The following YY1 variants were observed in gnomAD, a reference collection of about 807,000 sequenced individuals.
The protein encoded by YY1 is YY1 transcription factor.
Under a neutral mutation model 35.6 loss-of-function variants are expected in YY1, and 2 were observed. The observed-to-expected ratio is 0.06, with a 90% CI of 0.02 to 0.18. The LOEUF (loss-of-function observed/expected upper bound fraction) is 0.18. YY1 is among the 10% of genes least tolerant of loss of function. The pLI is 1.00. For synonymous variants in YY1, 268 were observed against 238.9 expected (o/e 1.12, Z -1.12); for missense variants, 322 against 573.4 (o/e 0.56, Z 4.48).
intron 1 of YY1, among the ~76,000 whole-genome samples, chr14:100,242,387 T>TTTTG (rs1890762032): frequency 7.9e-6 from 1 of 125,948 alleles, no homozygotes; most frequent in Non-Finnish European, 1.6e-5. Context: ...TGTTTTTTTT[T>TTTTG]TTTTTTTTTT....
intron 2 of YY1, chr14:100,265,209 C>T (rs571924931): frequency 2.6e-5 from 4 of 152,344 alleles, no homozygotes; most frequent in African/African-American, 2.4e-5. Flanking sequence ...GAAACCCCAT[C>T]TCTACTAAAA....
In YY1 at chr14:100,254,741, G is replaced by T. The variant is rs1890976052; in HGVS notation, c.680-7563G>T. On this transcript the variant is annotated intron_variant, in intron 1 of 4. Coordinates refer to ENST00000262238, the MANE Select transcript of YY1 (RefSeq NM_003403.5). ...CAAAATGCTAAGATTACAGGTGCGA[G>T]CCACCATGCCTAGCCTATTTTATTT... 2.0e-5 allele frequency among the ~76,000 whole-genome samples: 3 copies of T among 151,192 alleles called. No individual in the cohort carries two copies. In the Admixed American group the frequency reaches 2.0e-4, roughly 10 times the overall value.
intron 1 of YY1, among the ~76,000 whole-genome samples, chr14:100,253,092 A>T (rs549116482): frequency 6.6e-6 from 1 of 152,332 alleles, no homozygotes; most frequent in African/African-American, 2.4e-5. Context: ...GGGGTTAACT[A>T]TGTCCTGTGA....
chr14:100,259,856 A>G (rs1313696184), intron 1 of YY1, among the ~76,000 whole-genome samples: 1 of 152,212 alleles, frequency 6.6e-6, no homozygotes, highest in African/African-American at 2.4e-5. Flanking sequence ...ACCAGACAGC[A>G]TTGGACCCAG....
chr14:100,272,888 C>T (rs1183454319), intron 2 of YY1, among the ~76,000 whole-genome samples: 1 of 151,888 alleles, frequency 6.6e-6, no homozygotes, highest in Non-Finnish European at 1.5e-5. Flanking sequence ...TGAGGACATA[C>T]CGCGTTTGAT....
At chr14:100,241,055 G>T (rs960867731) in intron 1 of YY1, among the ~76,000 whole-genome samples, 1 of 152,150 alleles carries the variant, frequency 6.6e-6, no homozygotes, top group Admixed American at 6.5e-5. Flanking sequence ...TTATCTGCCT[G>T]TGTAAAATCT....
intron 1 of YY1, among the ~76,000 whole-genome samples, chr14:100,248,113 T>TTTTCTTTC (rs1890860878): frequency 1.2e-5 from 1 of 83,884 alleles, no homozygotes; most frequent in South Asian, 6.4e-4. Context: ...CCCGGCTAAT[T>TTTTCTTTC]TTTTTTTCTT....
chr14:100,255,713 T>G (rs1481024697), intron 1 of YY1, among the ~76,000 whole-genome samples: 1 of 152,226 alleles, frequency 6.6e-6, no homozygotes, highest in Non-Finnish European at 1.5e-5. Flanking sequence ...TAAAATTATG[T>G]ACAGACCATG....
At position 100,264,389 on chromosome 14, in the gene YY1, C is replaced by G. The variant is rs146812957; in HGVS notation, c.842+1923C>G. 6.6e-5 allele frequency among the ~76,000 whole-genome samples: 10 copies of G among 152,264 alleles called. No individual in the cohort carries two copies. In the East Asian group the frequency reaches 1.9e-3, roughly 29 times the overall value. On this transcript the variant is annotated intron_variant, in intron 2 of 4. Transcript: ENST00000262238. The stretch of plus-strand genomic sequence containing the variant: ...ACGGAGTTTCACCATGTTGGCCAGC[C>G]TGGTCTCGAACTCCTGACCTAAAGT...
intron 1 of YY1, among the ~76,000 whole-genome samples, chr14:100,259,745 ATGCACT>A (rs2139586453): frequency 6.6e-6 from 1 of 152,330 alleles, no homozygotes; most frequent in East Asian, 1.9e-4. Context: ...ACCTCCTGCC[ATGCACT>A]TGTGAATTTA....
Position 100,276,804 on chromosome 14 carries a change from A to G in YY1, c.1062+156A>G. ...AAACTTCTCCTGGGGAGTCGCTTAG[A>G]AGGGTTGCCGGGGCTCTGGACATCC... On this transcript the variant is annotated intron_variant, in intron 4 of 4. Coordinates refer to ENST00000262238, the MANE Select transcript of YY1 (RefSeq NM_003403.5). This position sits in a 1 kb window ranked among gnomAD's most constrained non-coding sequence, Gnocchi z 4.1. The G allele has an allele frequency of 1.8e-6, 2 of 1,111,438 alleles. No individual in the cohort carries two copies. The highest frequency in any genetic ancestry group is 2.6e-6 in the Non-Finnish European group (2 of 766,334). 68.8% of individuals were successfully genotyped at this position (1,111,438 alleles called of 1,614,324 possible).
At chr14:100,242,991 A>G (rs1460898925) in intron 1 of YY1, among the ~76,000 whole-genome samples, 1 of 152,146 alleles carries the variant, frequency 6.6e-6, no homozygotes, top group Non-Finnish European at 1.5e-5. Flanking sequence ...AGTTATAAAT[A>G]TTTGATGGCA....
At chr14:100,270,456 CA>C (rs34083329) in intron 2 of YY1, among the ~76,000 whole-genome samples, 56,915 of 98,030 alleles carry the variant, frequency 0.58, 14,568 homozygotes, top group South Asian at 0.73. Flanking sequence ...ACTAAAAATA[CA>C]AAAAAAAAAA....
At chr14:100,262,114 C>CACTG (rs1204716961) in intron 1 of YY1, among the ~76,000 whole-genome samples, 190 bp from the exon 2 acceptor site, 5 of 151,678 alleles carry the variant, frequency 3.3e-5, no homozygotes, top group African/African-American at 4.8e-5. Context: ...GTGATTGGGC[C>CACTG]ACTGCACCAC....
chr14:100,264,430 G>A (rs1891125583), intron 2 of YY1, among the ~76,000 whole-genome samples: 1 of 152,074 alleles, frequency 6.6e-6, no homozygotes, highest in Non-Finnish European at 1.5e-5. Flanking sequence ...ACCCACCTTG[G>A]CTTCCCAAAA....
chr14:100,272,139 C>T (rs1022279774), intron 2 of YY1, among the ~76,000 whole-genome samples: 1 of 151,438 alleles, frequency 6.6e-6, no homozygotes, highest in Non-Finnish European at 1.5e-5. Context: ...TACAAAAATA[C>T]AAAAAAATTA....
intron 1 of YY1, among the ~76,000 whole-genome samples, chr14:100,254,544 A>G (rs1004976573): frequency 6.6e-6 from 1 of 151,562 alleles, no homozygotes; most frequent in African/African-American, 2.4e-5. Context: ...TGCAAACTCT[A>G]CCTCCCAGGT....
intron 2 of YY1, among the ~76,000 whole-genome samples, chr14:100,263,212 T>C (rs1036013894): frequency 6.6e-6 from 1 of 152,230 alleles, no homozygotes; most frequent in African/African-American, 2.4e-5. Flanking sequence ...GCCCAGCCTG[T>C]AGTACACATT....
chr14:100,240,236 C>T (rs1045084113), intron 1 of YY1, among the ~76,000 whole-genome samples: 185 of 140,958 alleles, frequency 1.3e-3, no homozygotes, highest in Admixed American at 4.9e-3. Flanking sequence ...CTCCCCGACG[C>T]CCTCGCTCCC....
Sources: gnomAD v4.1 joint callset for allele counts (sites outside exome capture counted in the v4.1 genomes callset) on GRCh38, gnomAD v4.1.1 for gene constraint, Gnocchi (gnomAD v3.1) non-coding constraint, MANE v1.5 for transcripts, NCBI Gene and HGNC (gene_info 2026-07-23, HGNC 2026-07-21) for gene names.